CACNG5: variants seen among roughly 807,000 people sequenced by gnomAD.
CACNG5 encodes calcium voltage-gated channel auxiliary subunit gamma 5, also known as voltage-dependent calcium channel gamma-5 subunit.
Under a neutral mutation model 24.8 loss-of-function variants are expected in CACNG5, and 18 were observed. That is an observed-to-expected ratio of 0.73 (90% CI 0.50 to 1.08). CACNG5 has a LOEUF of 1.08. CACNG5 is among the 50% of genes least tolerant of loss of function. The probability of loss-of-function intolerance (pLI) is 0.00; values close to 1 mark genes in which losing one functional copy is unlikely to be tolerated. For synonymous variants in CACNG5, 157 were observed against 149.1 expected (o/e 1.05, Z -0.39); for missense variants, 349 against 367.9 (o/e 0.95, Z 0.42).
chr17:66,873,331 A>G (rs1977035819), intron 1 of CACNG5, among the ~76,000 whole-genome samples: 1 of 152,178 alleles, frequency 6.6e-6, no homozygotes, highest in Non-Finnish European at 1.5e-5. Context: ...TGTATTACAT[A>G]CTCTGGAAAT....
intron 1 of CACNG5, among the ~76,000 whole-genome samples, chr17:66,851,745 C>A (rs1040139560): frequency 5.9e-5 from 9 of 152,072 alleles, no homozygotes. Flanking sequence ...GAGAAAAAGA[C>A]CAAAATGATA....
In CACNG5 at chr17:66,892,184, C is replaced by T. The variant is rs1022860529; in HGVS notation, c.*6944C>T. Reference sequence around the variant, plus strand: ...AAGCCCCAGGGACCTCCCCCCACTCCTCGCTCTGTCTCAGCCTGCACCAGC... The same window carrying T: ...AAGCCCCAGGGACCTCCCCCCACTCTTCGCTCTGTCTCAGCCTGCACCAGC... On this transcript the variant is annotated 3_prime_UTR_variant, in exon 6 of 6. Transcript: ENST00000533854. 6.6e-6 allele frequency among the ~76,000 whole-genome samples: 1 copy of T among 152,242 alleles called. No homozygotes were observed.
chr17:66,886,602 G>A lies in CACNG5; in HGVS notation c.*1362G>A, dbSNP rs532444026. Among the ~76,000 whole-genome samples, 66 of 152,264 alleles carry A rather than the reference G, an allele frequency of 4.3e-4. No individual in the cohort carries two copies. Among genetic ancestry groups the A allele is most frequent in the Middle Eastern group, 3.4e-3 (1 of 294 alleles). Reference sequence around the variant, plus strand: ...AATGCTGTGTGTCGCTGCTGTGCCCGCTCTCTCCTTGCCCTCTTTAAGACG... The same window carrying A: ...AATGCTGTGTGTCGCTGCTGTGCCCACTCTCTCCTTGCCCTCTTTAAGACG... On this transcript the variant is annotated 3_prime_UTR_variant, in exon 6 of 6. Coordinates refer to ENST00000533854, the MANE Select transcript of CACNG5 (RefSeq NM_145811.3).
chr17:66,874,992 AC>A (rs1977056074), intron 1 of CACNG5, among the ~76,000 whole-genome samples: 1 of 152,148 alleles, frequency 6.6e-6, no homozygotes, highest in Admixed American at 6.5e-5. Context: ...CGTCACTAGC[AC>A]TTCCCACCAG....
Position 66,835,173 on chromosome 17 carries a change from C to T in CACNG5, c.-181C>T, listed in dbSNP as rs910253072. The T allele has an allele frequency of 6.6e-6, 1 of 152,272 alleles. No homozygotes were observed. Among genetic ancestry groups the T allele is most frequent in the Non-Finnish European group, 1.5e-5 (1 of 68,090 alleles). 9.4% of individuals were successfully genotyped at this position (152,272 alleles called of 1,614,324 possible). A position where few individuals can be genotyped will look rare whatever the true frequency, so the allele number is the denominator to read the frequency against. On this transcript the variant is annotated 5_prime_UTR_variant, in exon 1 of 6. Coordinates refer to ENST00000533854, the MANE Select transcript of CACNG5 (RefSeq NM_145811.3). ...GGGGCGGGCGTCCCGGGCAGCCTAG[C>T]GCGGTACCTCCCGCCCCGCGCGCCC...
At position 66,880,537 on chromosome 17, in the gene CACNG5, C is replaced by T. The variant is rs372256231; in HGVS notation, c.284-20C>T. 2.3e-5 allele frequency: 37 copies of T among 1,613,952 alleles called. No homozygotes were observed. Among genetic ancestry groups the T allele is most frequent in the Middle Eastern group, 1.6e-4 (1 of 6,082 alleles). ...TCAGGCCTGGAGGCTGACAGGCCGC[C>T]CTTTTGTCCCGTTAATTAGAGATGA... On this transcript the variant is annotated intron_variant, in intron 3 of 5. Coordinates refer to ENST00000533854, the MANE Select transcript of CACNG5 (RefSeq NM_145811.3).
chr17:66,842,705 C>T (rs890985230), intron 1 of CACNG5, among the ~76,000 whole-genome samples: 2 of 152,288 alleles, frequency 1.3e-5, no homozygotes, highest in East Asian at 1.9e-4. Context: ...CTGCAGGCCT[C>T]AGGCCATAAG....
chr17:66,872,806 C>T (rs1453068988), intron 1 of CACNG5, among the ~76,000 whole-genome samples: 1 of 152,186 alleles, frequency 6.6e-6, no homozygotes, highest in African/African-American at 2.4e-5. Flanking sequence ...GAAGATATGA[C>T]TGGATGACTC....
chr17:66,862,064 A>G (rs954094271), intron 1 of CACNG5, among the ~76,000 whole-genome samples: 4 of 152,096 alleles, frequency 2.6e-5, no homozygotes, highest in African/African-American at 9.7e-5. Context: ...GGTATGCCCT[A>G]TGGCCGAGTT....
chr17:66,865,726 T>C (rs1007146728), intron 1 of CACNG5, among the ~76,000 whole-genome samples: 1 of 151,572 alleles, frequency 6.6e-6, no homozygotes, highest in Non-Finnish European at 1.5e-5. Context: ...ACCTCCTGGG[T>C]TCATGCCATT....
At position 66,887,661 on chromosome 17, in the gene CACNG5, T is replaced by C. The variant is rs1311542104; in HGVS notation, c.*2421T>C. On this transcript the variant is annotated 3_prime_UTR_variant, in exon 6 of 6. Transcript: ENST00000533854. Reference sequence around the variant, plus strand: ...TCTTTCTCTGTCACTGTGCCAGGCTTGTTTTTGGTGCACCTGGAAAAAGTA... The same window carrying C: ...TCTTTCTCTGTCACTGTGCCAGGCTCGTTTTTGGTGCACCTGGAAAAAGTA... Among the ~76,000 whole-genome samples the C allele has an allele frequency of 2.0e-5, 3 of 152,158 alleles. No homozygotes were observed. The highest frequency in any genetic ancestry group is 6.5e-5 in the Admixed American group (1 of 15,276).
chr17:66,877,339 G>A lies in CACNG5; in HGVS notation c.7G>A (p.Ala3Thr), dbSNP rs1254223797. The change falls in exon 2 of 6, where the codon GCC becomes ACC. Residue 3 changes from alanine to threonine, a missense_variant. Physicochemically the swap from Ala to Thr is moderately conservative, Grantham distance 58 (BLOSUM62 0). Coordinates refer to ENST00000533854, the MANE Select transcript of CACNG5 (RefSeq NM_145811.3). ...ACAGCAACGGTCCAGGAAGATGAGTGCCTGCGGGAGGAAGGCCCTGACCCT... is the reference window on the plus strand; with the variant it reads ...ACAGCAACGGTCCAGGAAGATGAGTACCTGCGGGAGGAAGGCCCTGACCCT... Reference protein sequence around the residue: MSACGRKALTLLS... With the variant: MSTCGRKALTLLS... 3 of 1,613,556 alleles carry A rather than the reference G, an allele frequency of 1.9e-6. No homozygotes were observed. The highest frequency in any genetic ancestry group is 2.5e-6 in the Non-Finnish European group (3 of 1,179,748).
At chr17:66,850,241 G>T (rs1421699676) in intron 1 of CACNG5, among the ~76,000 whole-genome samples, 1 of 152,190 alleles carries the variant, frequency 6.6e-6, no homozygotes, top group Non-Finnish European at 1.5e-5. Context: ...AAATGGACTG[G>T]GGGAGGGGGT....
At chr17:66,883,817 G>T (rs1977201508) in intron 4 of CACNG5, among the ~76,000 whole-genome samples, 1 of 152,208 alleles carries the variant, frequency 6.6e-6, no homozygotes, top group African/African-American at 2.4e-5. Flanking sequence ...CCACTTTCTA[G>T]CTCAGTGGTT....
At chr17:66,881,629 T>C (rs777079522) in intron 4 of CACNG5, among the ~76,000 whole-genome samples, 1 of 152,112 alleles carries the variant, frequency 6.6e-6, no homozygotes, top group Non-Finnish European at 1.5e-5. Flanking sequence ...CAATGGGAGA[T>C]AGAAACAGTA....
rs1977242095 is a variant in CACNG5, at chr17:66,885,289, C to T, written c.*49C>T. ...ACTGTGGGTGGCCAGACAACCCTTC[C>T]TGTTCTCTCCAGGTGACCCCTGAGC... On this transcript the variant is annotated 3_prime_UTR_variant, in exon 6 of 6. Coordinates refer to ENST00000533854, the MANE Select transcript of CACNG5 (RefSeq NM_145811.3). 9 of 1,525,868 alleles carry T rather than the reference C, an allele frequency of 5.9e-6. No homozygotes were observed. Among genetic ancestry groups the T allele is most frequent in the Non-Finnish European group, 7.9e-6 (9 of 1,144,172 alleles). 94.5% of individuals were successfully genotyped at this position (1,525,868 alleles called of 1,614,324 possible). A position where few individuals can be genotyped will look rare whatever the true frequency, so the allele number is the denominator to read the frequency against.
At chr17:66,846,637 A>G (rs1273468539) in intron 1 of CACNG5, among the ~76,000 whole-genome samples, 1 of 152,226 alleles carries the variant, frequency 6.6e-6, no homozygotes, top group Non-Finnish European at 1.5e-5. Flanking sequence ...ATGAAATGGA[A>G]TATTATCTCG....
Position 66,843,591 on chromosome 17 carries a change from C to T in CACNG5, c.-104+8341C>T, listed in dbSNP as rs74805380. On this transcript the variant is annotated intron_variant, in intron 1 of 5. Coordinates refer to ENST00000533854, the MANE Select transcript of CACNG5 (RefSeq NM_145811.3). ...TAGGGTTGGCTGATGGGGAGTTTCCCATCTTCCCCTGTGTTTAAACCCAGG... is the reference window on the plus strand; with the variant it reads ...TAGGGTTGGCTGATGGGGAGTTTCCTATCTTCCCCTGTGTTTAAACCCAGG... Among the ~76,000 whole-genome samples, 18 of 152,216 alleles carry T rather than the reference C, an allele frequency of 1.2e-4. 1 individual carries two copies. The East Asian group carries it at 3.5e-3, about 29-fold the overall frequency.
Position 66,877,291 on chromosome 17 carries a change from G to A in CACNG5, c.-42G>A, listed in dbSNP as rs1977093392. On this transcript the variant is annotated 5_prime_UTR_variant, in exon 2 of 6. In the 5' UTR this introduces an upstream ATG that the reference lacks. Coordinates refer to ENST00000533854, the MANE Select transcript of CACNG5 (RefSeq NM_145811.3). ...TAGCCCCAGAGCGCAGTCCGTGCTG[G>A]TGGGAGCGTGGCGACTAGTTGCACA... is the stretch of plus-strand genomic sequence containing the variant. 12 of 1,566,474 alleles carry A rather than the reference G, an allele frequency of 7.7e-6. No individual in the cohort carries two copies. In the East Asian group the frequency reaches 2.7e-4, roughly 35 times the overall value.
Sources: allele counts gnomAD v4.1 joint callset (sites outside exome capture counted in the v4.1 genomes callset), GRCh38; gene constraint gnomAD v4.1.1; transcripts MANE v1.5; gene names NCBI Gene and HGNC (gene_info 2026-07-23, HGNC 2026-07-21).